The following BBS9 variants were observed in gnomAD, a reference collection of about 807,000 sequenced individuals.
BBS9 encodes Bardet-Biedl syndrome 9, also known as protein PTHB1.
A neutral mutation model predicts 117.7 loss-of-function variants in BBS9; 89 were observed. The observed-to-expected ratio is 0.76, with a 90% CI of 0.64 to 0.90. The LOEUF is 0.90. BBS9 is among the 40% of genes least tolerant of loss of function. BBS9 has a pLI of 0.00. For missense variants in BBS9, 982 were observed against 1,042.2 expected (o/e 0.94, Z 0.80); for synonymous variants, 379 against 370.9 (o/e 1.02, Z -0.25).
chr7:33,257,103 C>T (rs1208913608), intron 5 of BBS9, 133 bp from the exon 6 acceptor site: 3 of 553,170 alleles, frequency 5.4e-6, no homozygotes, highest in Non-Finnish European at 8.8e-6. Flanking sequence ...GTAATTTTCA[C>T]ACCGAATGCT....
chr7:33,451,621 G>T (rs952268696), intron 19 of BBS9, among the ~76,000 whole-genome samples: 3 of 152,134 alleles, frequency 2.0e-5, no homozygotes. Context: ...TTTGAAATCA[G>T]TAAGTGTGAA....
intron 17 of BBS9, among the ~76,000 whole-genome samples, chr7:33,370,043 G>C (rs919491461): frequency 2.6e-5 from 4 of 152,164 alleles, no homozygotes; most frequent in African/African-American, 9.7e-5. Flanking sequence ...GGCGATTTTA[G>C]TTCCTTTTTC....
At chr7:33,582,523 TACACACACAC>T (rs141224049) in intron 21 of BBS9, among the ~76,000 whole-genome samples, 3,236 of 147,754 alleles carry the variant, frequency 0.022, 63 homozygotes, top group South Asian at 0.1. Context: ...GTTTCTACAA[TACACACACAC>T]ACACACACAC....
intron 9 of BBS9, among the ~76,000 whole-genome samples, chr7:33,282,562 C>G (rs1802105717): frequency 6.6e-6 from 1 of 152,002 alleles, no homozygotes; most frequent in Non-Finnish European, 1.5e-5. Context: ...TTAGTAGAGA[C>G]AGGGTTTCAA....
intron 21 of BBS9, among the ~76,000 whole-genome samples, chr7:33,570,289 A>G (rs1857572872): frequency 6.6e-6 from 1 of 152,222 alleles, no homozygotes; most frequent in African/African-American, 2.4e-5. Context: ...AGTGCGCTCA[A>G]AAGACATAGA....
chr7:33,376,439 A>C (rs374511623), intron 17 of BBS9, among the ~76,000 whole-genome samples: 1 of 152,102 alleles, frequency 6.6e-6, no homozygotes, highest in African/African-American at 2.4e-5. Flanking sequence ...TATCTAGTCT[A>C]TTGTCAATGG....
rs73688900 is a variant in BBS9 at position 33,521,456 on chromosome 7, T to C, written c.2299-12498T>C. 6.1e-3 allele frequency among the ~76,000 whole-genome samples: 932 copies of C among 152,334 alleles called. 7 individuals carry two copies. The highest frequency in any genetic ancestry group is 0.021 in the African/African-American group (881 of 41,556). On this transcript the variant is annotated intron_variant, in intron 20 of 22. Transcript: ENST00000242067. ...TTGGTTGAAACCTCAATTAAGTTTT[T>C]TCAGCTTGTGAGTTGTGACAAAGAT... is the stretch of plus-strand genomic sequence containing the variant.
chr7:33,253,603 C>T (rs1249936133), intron 5 of BBS9, among the ~76,000 whole-genome samples: 1 of 152,184 alleles, frequency 6.6e-6, no homozygotes. Flanking sequence ...GGGAGCGAGA[C>T]TCCATCTCAG....
intron 17 of BBS9, among the ~76,000 whole-genome samples, chr7:33,375,595 CTT>C (rs11344728): frequency 3.7e-4 from 47 of 127,414 alleles, no homozygotes; most frequent in Middle Eastern, 4.1e-3. Flanking sequence ...TTCTTTCTTT[CTT>C]TTTTTTTTTT....
chr7:33,139,753 T>G (rs1169848300), intron 1 of BBS9, among the ~76,000 whole-genome samples: 3 of 152,094 alleles, frequency 2.0e-5, no homozygotes, highest in Non-Finnish European at 2.9e-5. Flanking sequence ...TTATTTTCTC[T>G]CCTTGAGACT....
chr7:33,622,591 T>C (rs1237581481), intron 21 of BBS9, among the ~76,000 whole-genome samples: 5 of 152,210 alleles, frequency 3.3e-5, no homozygotes, highest in Admixed American at 2.6e-4. Flanking sequence ...ATTTATACTT[T>C]AATAAAGCTT....
At chr7:33,441,293 T>A (rs74443660) in intron 19 of BBS9, among the ~76,000 whole-genome samples, 3 of 142,322 alleles carry the variant, frequency 2.1e-5, no homozygotes, top group Admixed American at 7.0e-5. Flanking sequence ...AAAAAAAAAA[T>A]AAAATAAAAG....
chr7:33,313,369 G>A (rs1316919625), intron 9 of BBS9, among the ~76,000 whole-genome samples: 42 of 152,112 alleles, frequency 2.8e-4, no homozygotes, highest in Admixed American at 2.7e-3. Context: ...GAAAGAAGTT[G>A]CGTCAAATAT....
At chr7:33,526,905 G>A (rs1299704039) in intron 20 of BBS9, among the ~76,000 whole-genome samples, 4 of 149,198 alleles carry the variant, frequency 2.7e-5, no homozygotes, top group Non-Finnish European at 5.9e-5. Flanking sequence ...TTTGATGATG[G>A]TGATGTACAG....
intron 2 of BBS9, among the ~76,000 whole-genome samples, chr7:33,151,850 CTTTT>C (rs11346140): frequency 2.4e-5 from 2 of 82,352 alleles, no homozygotes; most frequent in African/African-American, 4.5e-5. Flanking sequence ...TGCACCCAGC[CTTTT>C]TTTTTTTTTT....
At chr7:33,212,301 C>T (rs1788172028) in intron 5 of BBS9, among the ~76,000 whole-genome samples, 1 of 152,194 alleles carries the variant, frequency 6.6e-6, no homozygotes, top group South Asian at 2.1e-4. Flanking sequence ...AGGCTATCTT[C>T]AAGCTCACTA....
Position 33,481,307 on chromosome 7 carries a change from A to G in BBS9, c.2116-24156A>G, listed in dbSNP as rs113445355. On this transcript the variant is annotated intron_variant, in intron 19 of 22. Coordinates refer to ENST00000242067, the MANE Select transcript of BBS9 (RefSeq NM_198428.3). ...ATATAGGAGAGTAGTATAGGTTGAC[A>G]TTGGACAAGATAAACACTTGCAAGA... Among the ~76,000 whole-genome samples the G allele has an allele frequency of 1.8e-3, 271 of 152,296 alleles. 1 individual carries two copies. The highest frequency in any genetic ancestry group is 6.1e-3 in the African/African-American group (254 of 41,550).
At chr7:33,175,070 G>A (rs1057064355) in intron 4 of BBS9, among the ~76,000 whole-genome samples, 4 of 152,198 alleles carry the variant, frequency 2.6e-5, no homozygotes, top group African/African-American at 7.2e-5. Context: ...TTGGGAGGCC[G>A]AGGCGAGTGG....
chr7:33,255,057 A>G (rs1325673401), intron 5 of BBS9, among the ~76,000 whole-genome samples: 2 of 152,104 alleles, frequency 1.3e-5, no homozygotes, highest in Non-Finnish European at 2.9e-5. Context: ...TTTAGAGACT[A>G]ATTGCTTATC....
Sources: gnomAD v4.1 joint callset for allele counts (sites outside exome capture counted in the v4.1 genomes callset) on GRCh38, gnomAD v4.1.1 for gene constraint, MANE v1.5 for transcripts, NCBI Gene and HGNC (gene_info 2026-07-23, HGNC 2026-07-21) for gene names.